Variants in PRKD1 observed in about 807,000 individuals in gnomAD.
PRKD1 encodes the protein serine/threonine-protein kinase D1.
A neutral mutation model predicts 95.9 loss-of-function variants in PRKD1; 63 were observed. That is an observed-to-expected ratio of 0.66 (90% confidence interval 0.54 to 0.81). The LOEUF is 0.81. PRKD1 is among the 30% of genes least tolerant of loss of function. The pLI is 0.00. For missense variants in PRKD1, 1,048 were observed against 1,165.3 expected, an observed-to-expected ratio of 0.90 and a Z score of 1.47; for synonymous variants, 425 against 423.1, an observed-to-expected ratio of 1.00 and a Z score of -0.05.
intron 1 of PRKD1, among the ~76,000 whole-genome samples, chr14:29,889,995 T>G (rs920074533): frequency 1.3e-5 from 2 of 152,120 alleles, no homozygotes; most frequent in African/African-American, 4.8e-5. Flanking sequence ...CAGAAGGGAG[T>G]AGAAAGGAAC....
intron 7 of PRKD1, among the ~76,000 whole-genome samples, 162 bp from the exon 8 acceptor site, chr14:29,634,703 T>C (rs1298864789): frequency 1.3e-5 from 2 of 152,052 alleles, no homozygotes; most frequent in Non-Finnish European, 2.9e-5. Flanking sequence ...TGAAAGTGGG[T>C]TACTCTGAAG....
At chr14:29,586,664 G>A (rs149942730) in intron 16 of PRKD1, among the ~76,000 whole-genome samples, 3 of 151,974 alleles carry the variant, frequency 2.0e-5, no homozygotes, top group African/African-American at 7.2e-5. Context: ...TTTTTGAGAC[G>A]GAGTTTTGCT....
intron 2 of PRKD1, among the ~76,000 whole-genome samples, chr14:29,710,943 G>A (rs1321768451): frequency 1.3e-5 from 2 of 152,136 alleles, no homozygotes; most frequent in Admixed American, 1.3e-4. Flanking sequence ...TGTCTCCCTC[G>A]TTCTGCATGT....
chr14:29,740,691 G>A (rs1333411693), intron 1 of PRKD1, among the ~76,000 whole-genome samples: 1 of 152,148 alleles, frequency 6.6e-6, no homozygotes, highest in Non-Finnish European at 1.5e-5. Context: ...AATGAGCTTT[G>A]TAGCAGCTGT....
chr14:29,678,931 A>AT (rs1260909987), intron 2 of PRKD1, among the ~76,000 whole-genome samples: 1 of 152,228 alleles, frequency 6.6e-6, no homozygotes, highest in Non-Finnish European at 1.5e-5. Flanking sequence ...ACAGGGGACA[A>AT]TGTGTATACT....
At chr14:29,852,419 A>G (rs1204899175) in intron 1 of PRKD1, among the ~76,000 whole-genome samples, 1 of 152,144 alleles carries the variant, frequency 6.6e-6, no homozygotes, top group Non-Finnish European at 1.5e-5. Flanking sequence ...AACACTGGAA[A>G]TATCTATTCT....
intron 1 of PRKD1, among the ~76,000 whole-genome samples, chr14:29,769,471 G>A (rs573126260): frequency 6.6e-6 from 1 of 152,066 alleles, no homozygotes. Context: ...GGAGGCAGAA[G>A]GATCACTTGA....
At chr14:29,649,311 G>C (rs1027151277) in intron 4 of PRKD1, among the ~76,000 whole-genome samples, 1 of 152,120 alleles carries the variant, frequency 6.6e-6, no homozygotes, top group Non-Finnish European at 1.5e-5. Context: ...GTAAGGAGGA[G>C]GGGTCTTTAT....
chr14:29,581,803 T>C (rs1378301311), intron 16 of PRKD1, among the ~76,000 whole-genome samples: 1 of 152,198 alleles, frequency 6.6e-6, no homozygotes, highest in Non-Finnish European at 1.5e-5. Flanking sequence ...TCTGTCATGC[T>C]CACACCGAAT....
chr14:29,638,805 T>C lies in PRKD1; in HGVS notation c.796A>G (p.Lys266Glu). ...ACAAATGTGTGCGGCACTTTAACTT[T>C]AGACATCAAAATCTTGTCAAGGTGA... The part of the protein sequence containing the change: ...PIHLDKILMS[K>E]VKVPHTFVIH... The change falls in exon 5 of 18, where the codon AAA becomes GAA. Residue 266 changes from lysine to glutamate, a missense_variant. Lys to Glu is a moderately conservative substitution (Grantham distance 56, BLOSUM62 1). Coordinates refer to ENST00000331968, the MANE Select transcript of PRKD1 (RefSeq NM_002742.3). The C allele has an allele frequency of 6.2e-7, 1 of 1,613,556 alleles. No individual in the cohort carries two copies. Among genetic ancestry groups the C allele is most frequent in the East Asian group, 2.2e-5 (1 of 44,830 alleles).
chr14:29,750,753 G>A (rs1887445173), intron 1 of PRKD1, among the ~76,000 whole-genome samples: 1 of 152,096 alleles, frequency 6.6e-6, no homozygotes, highest in Non-Finnish European at 1.5e-5. Context: ...CAGTGGTCCT[G>A]GCTGGGAATT....
At chr14:29,771,204 G>A (rs1888493298) in intron 1 of PRKD1, among the ~76,000 whole-genome samples, 1 of 152,104 alleles carries the variant, frequency 6.6e-6, no homozygotes, top group Non-Finnish European at 1.5e-5. Flanking sequence ...TTGATAAAGA[G>A]ACTGTTATGG....
At chr14:29,847,226 T>TAATTGTA (rs1892113087) in intron 1 of PRKD1, among the ~76,000 whole-genome samples, 1 of 152,182 alleles carries the variant, frequency 6.6e-6, no homozygotes, top group Non-Finnish European at 1.5e-5. Context: ...ACACTGCATA[T>TAATTGTA]ATTACCACAG....
At chr14:29,618,940 G>A (rs1879058340) in intron 13 of PRKD1, among the ~76,000 whole-genome samples, 2 of 152,172 alleles carry the variant, frequency 1.3e-5, no homozygotes, top group Non-Finnish European at 2.9e-5. Context: ...TGCCCCATTG[G>A]CATTTCAACC....
chr14:29,617,285 C>T (rs1435397587), intron 13 of PRKD1, among the ~76,000 whole-genome samples: 1 of 152,162 alleles, frequency 6.6e-6, no homozygotes, highest in African/African-American at 2.4e-5. Flanking sequence ...TTAGCCTCAA[C>T]TGATCCTTCC....
chr14:29,738,664 C>T (rs1308460790), intron 1 of PRKD1, among the ~76,000 whole-genome samples: 2 of 152,132 alleles, frequency 1.3e-5, no homozygotes, highest in African/African-American at 4.8e-5. Context: ...AAAAATCACA[C>T]ACCTTGTAAT....
chr14:29,912,741 A>G (rs1012940652), intron 1 of PRKD1, among the ~76,000 whole-genome samples: 9 of 152,164 alleles, frequency 5.9e-5, no homozygotes, highest in Non-Finnish European at 1.2e-4. Flanking sequence ...AGCTAACCGT[A>G]TTTTCTCCAG....
At chr14:29,627,586 T>G (rs1879708774) in intron 11 of PRKD1, among the ~76,000 whole-genome samples, 1 of 152,186 alleles carries the variant, frequency 6.6e-6, no homozygotes, top group Non-Finnish European at 1.5e-5. Flanking sequence ...CCTTATATAT[T>G]CCTATTACAT....
Position 29,666,197 on chromosome 14 carries a change from A to C in PRKD1, c.415T>G (p.Phe139Val). 1 of 1,593,464 alleles carries C rather than the reference A, an allele frequency of 6.3e-7. No individual in the cohort carries two copies. ...TGGGGACGAATCTGAAAGTCTTCAA[A>C]GGTGGCGGAAGCTGTAAAAATAGTG... ...IEVVLSASAT[F>V]EDFQIRPHAL... The change falls in exon 3 of 18, where the codon TTT becomes GTT. Residue 139 changes from phenylalanine to valine, a missense_variant. By Grantham distance (50) the Phe-to-Val change is conservative. This residue lies in a region of PRKD1 where 275 missense variants were observed against 248.6 expected (regional missense o/e 1.11). Coordinates refer to ENST00000331968, the MANE Select transcript of PRKD1 (RefSeq NM_002742.3).
Sources: gnomAD v4.1 joint callset for allele counts (sites outside exome capture counted in the v4.1 genomes callset) on GRCh38, gnomAD v4.1.1 for gene constraint, gnomAD v4.1.1 regional missense constraint, MANE v1.5 for transcripts, NCBI Gene and HGNC (gene_info 2026-07-23, HGNC 2026-07-21) for gene names.